The following OVCH1 variants were observed in gnomAD, a reference collection of about 807,000 sequenced individuals.
OVCH1 encodes the protein ovochymase-1.
OVCH1 carries 139 observed loss-of-function variants against 138.4 expected under a neutral mutation model. The ratio of observed to expected loss-of-function variants is 1.00; its 90% CI spans 0.87 to 1.16. OVCH1 has a LOEUF of 1.16. OVCH1 is among the 50% of genes most tolerant of loss of function. The probability of loss-of-function intolerance (pLI) is 0.00; values close to 1 mark genes in which losing one functional copy is unlikely to be tolerated. For missense variants in OVCH1, 1,367 were observed against 1,357.9 expected (o/e 1.01, Z -0.11); for synonymous variants, 453 against 467.8 (o/e 0.97, Z 0.41).
At chr12:29,475,327 T>C in intron 13 of OVCH1, 138 bp from the exon 14 acceptor site, 3 of 568,132 alleles carry the variant, frequency 5.3e-6, no homozygotes, top group Non-Finnish European at 8.6e-6. Flanking sequence ...TTACATCTCA[T>C]GTGAGAATTA....
intron 18 of OVCH1, among the ~76,000 whole-genome samples, chr12:29,464,113 A>G (rs1342975522): frequency 6.6e-6 from 1 of 152,194 alleles, no homozygotes; most frequent in African/African-American, 2.4e-5. Flanking sequence ...ACACGTGCAC[A>G]TTAAATGAAA....
chr12:29,496,717 G>A, intron 1 of OVCH1, 43 bp from the exon 2 acceptor site: 2 of 1,420,340 alleles, frequency 1.4e-6, no homozygotes, highest in Non-Finnish European at 9.7e-7. Flanking sequence ...AGAGCCTTAT[G>A]TAAGAGTTCA....
intron 3 of OVCH1, among the ~76,000 whole-genome samples, chr12:29,413,085 C>T (rs754786965): frequency 6.6e-6 from 1 of 150,866 alleles, no homozygotes; most frequent in Non-Finnish European, 1.5e-5. Context: ...TGGTCTCAAA[C>T]TCCTGGCCTC....
chr12:29,428,963 G>GGTAA (rs764102420), intron 27 of OVCH1, among the ~76,000 whole-genome samples: 1 of 152,194 alleles, frequency 6.6e-6, no homozygotes, highest in Non-Finnish European at 1.5e-5. Context: ...ATTCAAGCTT[G>GGTAA]GTAAGTGAGT....
intron 5 of OVCH1, 78 bp downstream of exon 5, chr12:29,491,019 G>A (rs1030402009): frequency 1.6e-6 from 2 of 1,216,050 alleles, no homozygotes; most frequent in African/African-American, 3.0e-5. Flanking sequence ...TACTACTCAT[G>A]GTCAACAAAA....
chr12:29,451,366 GTCTT>G lies in OVCH1; in HGVS notation c.2730_2733del (p.Glu910AspfsTer19), dbSNP rs772343397. 15 of 1,612,664 alleles carry G rather than the reference GTCTT, an allele frequency of 9.3e-6. No individual in the cohort carries two copies. The highest frequency in any genetic ancestry group is 1.3e-5 in the Non-Finnish European group (15 of 1,179,224). On this transcript the variant is annotated frameshift_variant, in exon 22 of 28. Coordinates refer to ENST00000318184, the Ensembl canonical transcript of OVCH1. LOFTEE classifies it high-confidence loss of function. Reference sequence around the variant, plus strand: ...TTACCTGCCGTCTTTCTCTTACTGTGTCTTTCTTCATAAATAATTAGAACTGAGT... The same window carrying G: ...TTACCTGCCGTCTTTCTCTTACTGTGTCTTCATAAATAATTAGAACTGAGT...
intron 16 of OVCH1, among the ~76,000 whole-genome samples, chr12:29,468,799 G>A (rs1942404068): frequency 6.6e-6 from 1 of 152,134 alleles, no homozygotes; most frequent in Non-Finnish European, 1.5e-5. Flanking sequence ...ATACATGGGT[G>A]AGTATACATA....
chr12:29,477,447 T>A, exon 11 of OVCH1: 4 of 1,613,882 alleles, frequency 2.5e-6, no homozygotes, highest in Non-Finnish European at 3.4e-6. Context: ...CTGCCAGCAA[T>A]GGTGAAGGCA....
chr12:29,451,526 A>G, exon 22 of OVCH1: 1 of 1,612,574 alleles, frequency 6.2e-7, no homozygotes, highest in Non-Finnish European at 8.5e-7. Flanking sequence ...GTGGTGTGGG[A>G]AAAAAGCCTC....
chr12:29,482,863 C>T (rs1942978053), intron 8 of OVCH1, among the ~76,000 whole-genome samples: 1 of 152,186 alleles, frequency 6.6e-6, no homozygotes, highest in Non-Finnish European at 1.5e-5. Context: ...ATGTCTCTTA[C>T]CCAATATACA....
At chr12:29,467,648 A>G (rs915838028) in intron 16 of OVCH1, among the ~76,000 whole-genome samples, 3 of 152,198 alleles carry the variant, frequency 2.0e-5, no homozygotes, top group African/African-American at 7.2e-5. Flanking sequence ...AATTTTAGAC[A>G]AAAGATTCAC....
intron 16 of OVCH1, among the ~76,000 whole-genome samples, chr12:29,469,825 A>G (rs1592081941): frequency 6.6e-6 from 1 of 152,136 alleles, no homozygotes; most frequent in Non-Finnish European, 1.5e-5. Context: ...GTGAGCTATG[A>G]TCATGCCACT....
intron 4 of OVCH1, among the ~76,000 whole-genome samples, chr12:29,494,484 T>G (rs2136096542): frequency 6.6e-6 from 1 of 152,268 alleles, no homozygotes; most frequent in South Asian, 2.1e-4. Flanking sequence ...GCTTTTTTGT[T>G]AGAGATGAAT....
At chr12:29,494,620 C>T (rs1024930241) in intron 4 of OVCH1, among the ~76,000 whole-genome samples, 34 of 152,160 alleles carry the variant, frequency 2.2e-4, no homozygotes, top group Non-Finnish European at 4.0e-4. Flanking sequence ...ATATACACAA[C>T]GGACTATTAT....
intron 22 of OVCH1, among the ~76,000 whole-genome samples, chr12:29,450,288 G>C (rs746743304): frequency 5.3e-5 from 8 of 151,998 alleles, no homozygotes; most frequent in Non-Finnish European, 8.8e-5. Context: ...CTAATATCCA[G>C]AATCTACAAG....
intron 27 of OVCH1, among the ~76,000 whole-genome samples, chr12:29,428,480 G>GTC (rs1265169470): frequency 6.6e-6 from 1 of 152,158 alleles, no homozygotes; most frequent in Non-Finnish European, 1.5e-5. Context: ...CATTTCTAGG[G>GTC]TCTTTGGTGA....
At chr12:29,403,805 AAAGTT>A in the OVCH1 span, among the ~76,000 whole-genome samples, 13 of 152,336 alleles carry the variant, frequency 8.5e-5, no homozygotes, top group African/African-American at 2.9e-4. Flanking sequence ...CCCTGTGAGT[AAAGTT>A]AAGAATTATA....
intron 26 of OVCH1, among the ~76,000 whole-genome samples, chr12:29,436,709 G>T (rs1303454909): frequency 1.3e-5 from 2 of 152,178 alleles, no homozygotes; most frequent in Non-Finnish European, 2.9e-5. Context: ...GACCTTCACA[G>T]TTGAGTGTTA....
At position 29,414,016 on chromosome 12, in the gene OVCH1, CTCTCTTTTTTTTT is replaced by C. The variant is rs1324678876; in HGVS notation, c.*72-1304_*72-1292del. On this transcript the variant is annotated intron_variant and NMD_transcript_variant, in intron 3 of 4. Coordinates refer to the OVCH1 transcript ENST00000539117. ...AGCAGCTGGCTTTTCTCCTCTCTCT[CTCTCTTTTTTTTT>C]TTTTTTTTTTTTTGGAGTATTGCTC... Among the ~76,000 whole-genome samples the C allele has an allele frequency of 4.4e-4, 62 of 140,214 alleles. 1 individual carries two copies. The highest frequency in any genetic ancestry group is 7.2e-4 in the Admixed American group (10 of 13,802). 92.0% of individuals were successfully genotyped at this position (140,214 alleles called of 152,430 possible).
Sources: gnomAD v4.1 joint callset for allele counts (sites outside exome capture counted in the v4.1 genomes callset) on GRCh38, gnomAD v4.1.1 for gene constraint, MANE v1.5 for transcripts, NCBI Gene and HGNC (gene_info 2026-07-23, HGNC 2026-07-21) for gene names.